FANCI: variants seen among roughly 807,000 people sequenced by gnomAD.
The protein encoded by FANCI is Fanconi anemia group I protein.
In FANCI, 156 loss-of-function variants were observed where a neutral mutation model predicts 176.1. The ratio of observed to expected loss-of-function variants is 0.89; its 90% CI spans 0.78 to 1.01. The LOEUF (loss-of-function observed/expected upper bound fraction) is 1.01, where lower values mean the gene tolerates loss of function less well. FANCI is among the 50% of genes least tolerant of loss of function. FANCI has a pLI of 0.00. For synonymous variants in FANCI, 613 were observed against 541.7 expected, an observed-to-expected ratio of 1.13 and a Z score of -1.83; for missense variants, 1,678 against 1,534.1, an observed-to-expected ratio of 1.09 and a Z score of -1.57.
chr15:89,274,277 C>A lies in FANCI; in HGVS notation c.1085C>A (p.Thr362Asn). The A allele has an allele frequency of 6.2e-7, 1 of 1,613,458 alleles. No individual in the cohort carries two copies. Among genetic ancestry groups the A allele is most frequent in the South Asian group, 1.1e-5 (1 of 91,048 alleles). The stretch of plus-strand genomic sequence containing the variant: ...GTTCCTCATAGATCTTATGTTTCAA[C>A]CATGATCTTGGAAGTAGTGAAGAAT... ...NLVPHRSYVS[T>N]MILEVVKNSV... The change falls in exon 12 of 38, where the codon ACC becomes AAC. Residue 362 changes from threonine (T) to asparagine (N), a missense_variant. Around this residue, in one of 3 missense-constraint regions of FANCI, gnomAD observed 469 missense variants for 436.9 expected, o/e 1.07. Coordinates refer to ENST00000310775, the MANE Select transcript of FANCI (RefSeq NM_001113378.2).
intron 17 of FANCI, among the ~76,000 whole-genome samples, chr15:89,284,584 T>C (rs1393278849): frequency 6.6e-6 from 1 of 152,238 alleles, no homozygotes; most frequent in East Asian, 1.9e-4. Flanking sequence ...ACTACATTAC[T>C]GTGATGCCTG....
At position 89,316,470 on chromosome 15, in the gene FANCI, T is replaced by G; in HGVS notation, c.*11T>G. ...AAAAGGAAAAAATAAATGAAATGCCTGAGTTAATGTGAACTTTGGGGCTTC... is the reference window on the plus strand; with the variant it reads ...AAAAGGAAAAAATAAATGAAATGCCGGAGTTAATGTGAACTTTGGGGCTTC... On this transcript the variant is annotated 3_prime_UTR_variant, in exon 38 of 38. Transcript: ENST00000310775. The G allele has an allele frequency of 6.2e-7, 1 of 1,603,560 alleles. No individual in the cohort carries two copies. Among genetic ancestry groups the G allele is most frequent in the African/African-American group, 1.3e-5 (1 of 74,614 alleles).
intron 12 of FANCI, among the ~76,000 whole-genome samples, chr15:89,276,406 G>A (rs1161890249): frequency 6.6e-6 from 1 of 152,208 alleles, no homozygotes; most frequent in African/African-American, 2.4e-5. Flanking sequence ...GGTAATAGAA[G>A]AGGCAGCAAT....
Position 89,252,311 on chromosome 15 carries a change from AAAG to A in FANCI, c.84+4583_84+4585del, listed in dbSNP as rs527656193. 4.4e-4 allele frequency among the ~76,000 whole-genome samples: 67 copies of A among 152,220 alleles called. No individual in the cohort carries two copies. In the East Asian group the frequency reaches 7.9e-3, roughly 18 times the overall value. On this transcript the variant is annotated intron_variant, in intron 2 of 37. Coordinates refer to ENST00000310775, the MANE Select transcript of FANCI (RefSeq NM_001113378.2). Reference sequence around the variant, plus strand: ...GTGAGATTCCATCTAAAAAAAAAAAAAAGAAAATATAAAACGTCTCTCTTTGTA... The same window carrying A: ...GTGAGATTCCATCTAAAAAAAAAAAAAAAATATAAAACGTCTCTCTTTGTA...
intron 18 of FANCI, among the ~76,000 whole-genome samples, 174 bp downstream of exon 18, chr15:89,285,392 C>T (rs2053774966): frequency 6.6e-6 from 1 of 152,190 alleles, no homozygotes; most frequent in Non-Finnish European, 1.5e-5. Flanking sequence ...CAGTGGCTCA[C>T]ACCTGTAATC....
rs1436321225 is a variant in FANCI at position 89,268,399 on chromosome 15, G to A, written c.756G>A (p.Glu252=). 6.2e-7 allele frequency: 1 copy of A among 1,614,046 alleles called. No homozygotes were observed. Among genetic ancestry groups the A allele is most frequent in the Non-Finnish European group, 8.5e-7 (1 of 1,180,020 alleles). Residue 252 remains glutamate, a splice_region_variant and synonymous_variant, in exon 10 of 38, where the codon GAG becomes GAA. Coordinates refer to ENST00000310775, the MANE Select transcript of FANCI (RefSeq NM_001113378.2). ...CATAACTTTCTGTTGAATCTTTTAG[G>A]CTATTGGATGTTGTCACTGTGCCAT... is the stretch of plus-strand genomic sequence containing the variant. The part of the protein sequence containing the change: ...KQHNEEQSGD[E]LLDVVTVPSG...
intron 35 of FANCI, among the ~76,000 whole-genome samples, chr15:89,313,689 G>T (rs1166884716): frequency 6.6e-6 from 1 of 152,064 alleles, no homozygotes; most frequent in African/African-American, 2.4e-5. Context: ...GGATATACAG[G>T]CCTGTGTACA....
Position 89,263,900 on chromosome 15 carries a change from C to T in FANCI, c.546-3C>T, listed in dbSNP as rs778830128. The T allele has an allele frequency of 1.9e-6, 3 of 1,614,072 alleles. No homozygotes were observed. In the South Asian group the frequency reaches 3.3e-5, roughly 18 times the overall value. On this transcript the variant is annotated splice_polypyrimidine_tract_variant and splice_region_variant and intron_variant, in intron 7 of 37. Coordinates refer to ENST00000310775, the MANE Select transcript of FANCI (RefSeq NM_001113378.2). Reference sequence around the variant, plus strand: ...TATAGCCTTTAGAATCTTTGATCCACAGGGATGTCCCTCTGACTGCAGAAG... The same window carrying T: ...TATAGCCTTTAGAATCTTTGATCCATAGGGATGTCCCTCTGACTGCAGAAG...
intron 2 of FANCI, among the ~76,000 whole-genome samples, chr15:89,255,542 CTTCCTG>C (rs2052455862): frequency 3.3e-5 from 5 of 152,236 alleles, no homozygotes; most frequent in African/African-American, 1.2e-4. Flanking sequence ...ACATCATGTG[CTTCCTG>C]ATGTGATACT....
chr15:89,250,828 GAAT>G (rs1435299182), intron 2 of FANCI, among the ~76,000 whole-genome samples: 1 of 151,000 alleles, frequency 6.6e-6, no homozygotes, highest in African/African-American at 2.4e-5. Flanking sequence ...AAAATCCATG[GAAT>G]AATGTTAAAA....
At chr15:89,257,676 CA>C (rs1434327277) in intron 2 of FANCI, among the ~76,000 whole-genome samples, 1 of 152,136 alleles carries the variant, frequency 6.6e-6, no homozygotes, top group African/African-American at 2.4e-5. Context: ...GCCCAATTTC[CA>C]AATAAGGTCA....
chr15:89,305,145 A>T lies in FANCI; in HGVS notation c.3089A>T (p.Asn1030Ile), dbSNP rs775838080. ...GCCTTGTTTTGCAAGAGCTTGATGA[A>T]CTTGCTCTTCAGCCTGCATGTTTCG... ...EDALFCKSLM[N>I]LLFSLHVSYK... Residue 1030 changes from asparagine to isoleucine, a missense_variant, in exon 29 of 38, where the codon AAC (asparagine) becomes ATC (isoleucine). Physicochemically the swap from Asn to Ile is moderately radical, Grantham distance 149 (BLOSUM62 -3). Transcript: ENST00000310775. 6.2e-7 allele frequency: 1 copy of T among 1,614,100 alleles called. No homozygotes were observed. The highest frequency in any genetic ancestry group is 8.5e-7 in the Non-Finnish European group (1 of 1,179,992).
rs1060501898 is a variant in FANCI at position 89,300,309 on chromosome 15, A to G, written c.2813A>G (p.Asp938Gly). 13 of 1,613,532 alleles carry G rather than the reference A, an allele frequency of 8.1e-6. No homozygotes were observed. In the East Asian group the frequency reaches 1.3e-4, roughly 17 times the overall value. Reference protein sequence around the residue: ...QQFLRALDVTDKEGEEREDAD... With the variant: ...QQFLRALDVTGKEGEEREDAD... ...TCTTTTCCATTCCTAGATGTCACAG[A>G]TAAGGAAGGAGAAGAGAGAGAAGAT... Residue 938 changes from aspartate (D) to glycine (G), a missense_variant, in exon 26 of 38, where the codon GAT (aspartate) becomes GGT (glycine). Physicochemically the swap from Asp to Gly is moderately conservative, Grantham distance 94. Around this residue, in one of 3 missense-constraint regions of FANCI, gnomAD observed 1,204 missense variants for 1,077.4 expected, o/e 1.12. Transcript: ENST00000310775.
Position 89,260,831 on chromosome 15 carries a change from A to C in FANCI, c.276A>C (p.Leu92Phe). 6.2e-7 allele frequency: 1 copy of C among 1,613,802 alleles called. No individual in the cohort carries two copies. The highest frequency in any genetic ancestry group is 8.5e-7 in the Non-Finnish European group (1 of 1,179,804). ...AAATAGCGTCTGAGATCATAGGATTACTGATGCTGGAGGTAAGATGGCAAA... is the reference window on the plus strand; with the variant it reads ...AAATAGCGTCTGAGATCATAGGATTCCTGATGCTGGAGGTAAGATGGCAAA... Reference protein sequence around the residue: ...QKEIASEIIGLLMLEAHHFPG... With the variant: ...QKEIASEIIGFLMLEAHHFPG... The change falls in exon 4 of 38, where the codon TTA (leucine) becomes TTC (phenylalanine). Residue 92 changes from leucine to phenylalanine, a missense_variant. Leu to Phe is a conservative substitution (Grantham distance 22). Around this residue, in one of 3 missense-constraint regions of FANCI, gnomAD observed 469 missense variants for 436.9 expected, o/e 1.07. Coordinates refer to ENST00000310775, the MANE Select transcript of FANCI (RefSeq NM_001113378.2).
chr15:89,249,166 T>G (rs770720588), intron 2 of FANCI, among the ~76,000 whole-genome samples: 1 of 152,188 alleles, frequency 6.6e-6, no homozygotes, highest in Non-Finnish European at 1.5e-5. Flanking sequence ...GTCAGTAATA[T>G]ATGCAGGCAG....
chr15:89,283,166 T>A lies in FANCI; in HGVS notation c.1614T>A (p.Ala538=), dbSNP rs747570102. ...TTGATGCCCGAAAATCTGCAGTTGC[T>A]GGGTTTTTGCTGCTCCTGAAGAACT... ...NQLDARKSAV[A]GFLLLLKNFK... Residue 538 remains alanine, a synonymous_variant, in exon 17 of 38, where the codon GCT becomes GCA. Transcript: ENST00000310775. The A allele has an allele frequency of 6.2e-7, 1 of 1,614,244 alleles. No individual in the cohort carries two copies. The highest frequency in any genetic ancestry group is 8.5e-7 in the Non-Finnish European group (1 of 1,180,042).
At chr15:89,313,053 G>A (rs891790241) in intron 35 of FANCI, 81 bp downstream of exon 35, 5 of 1,299,858 alleles carry the variant, frequency 3.8e-6, no homozygotes, top group African/African-American at 1.5e-5. Context: ...GTGACAAAAA[G>A]ACCACGTGTT....
chr15:89,294,821 G>A (rs929059023), intron 23 of FANCI, 94 bp from the exon 24 acceptor site: 54 of 1,349,116 alleles, frequency 4.0e-5, no homozygotes, highest in Middle Eastern at 2.3e-4. Context: ...GTTGGGTGCT[G>A]CTGTTCTGAA....
At position 89,274,136 on chromosome 15, in the gene FANCI, T is replaced by C. The variant is rs1480101935; in HGVS notation, c.976-32T>C. On this transcript the variant is annotated intron_variant, in intron 11 of 37. Transcript: ENST00000310775. ...GGTGCTTGATCTTTTATTTATTTAT[T>C]TTTTCATTTATTTTTATTAACTATA... 4 of 1,463,176 alleles carry C rather than the reference T, an allele frequency of 2.7e-6. No homozygotes were observed. The South Asian group carries it at 5.1e-5, about 19-fold the overall frequency. 90.6% of individuals were successfully genotyped at this position (1,463,176 alleles called of 1,614,324 possible).
Sources: allele counts gnomAD v4.1 joint callset (sites outside exome capture counted in the v4.1 genomes callset), GRCh38; gene constraint gnomAD v4.1.1; regional missense constraint gnomAD v4.1.1; transcripts MANE v1.5; gene names NCBI Gene and HGNC (gene_info 2026-07-23, HGNC 2026-07-21).